The following STXBP6 variants were observed in gnomAD, a reference collection of about 807,000 sequenced individuals.
STXBP6 encodes syntaxin-binding protein 6.
A neutral mutation model predicts 26.9 loss-of-function variants in STXBP6; 21 were observed. The ratio of observed to expected loss-of-function variants is 0.78; its 90% CI spans 0.55 to 1.12. The LOEUF is 1.12. STXBP6 is among the 50% of genes most tolerant of loss of function. STXBP6 has a pLI of 0.00. For missense variants in STXBP6, 232 were observed against 257.9 expected, an observed-to-expected ratio of 0.90 and a Z score of 0.69; for synonymous variants, 97 against 92.6, an observed-to-expected ratio of 1.05 and a Z score of -0.27.
intron 4 of STXBP6, among the ~76,000 whole-genome samples, chr14:24,834,786 G>A (rs762742461): frequency 6.6e-6 from 1 of 152,196 alleles, no homozygotes; most frequent in Non-Finnish European, 1.5e-5. Context: ...CTGTGGGGGA[G>A]AAGGGCTTGG....
chr14:24,821,942 A>G (rs2068146921), intron 4 of STXBP6, among the ~76,000 whole-genome samples: 1 of 152,036 alleles, frequency 6.6e-6, no homozygotes. Context: ...TCAAACTGTA[A>G]TCCCAGGGTT....
At chr14:25,006,652 T>C (rs1041950354) in intron 1 of STXBP6, among the ~76,000 whole-genome samples, 27 of 152,200 alleles carry the variant, frequency 1.8e-4, no homozygotes, top group Admixed American at 6.5e-4. Context: ...CCAAAAAATA[T>C]ATTCACGAGG....
chr14:24,963,484 G>C (rs2073620510), intron 2 of STXBP6, among the ~76,000 whole-genome samples: 2 of 152,160 alleles, frequency 1.3e-5, no homozygotes, highest in Admixed American at 6.5e-5. Flanking sequence ...TCCACACAAA[G>C]TGGATGAAGA....
At position 24,811,010 on chromosome 14, in the gene STXBP6, C is replaced by T. The variant is rs914512303; in HGVS notation, c.*1699G>A. On this transcript the variant is annotated 3_prime_UTR_variant, in exon 6 of 6. Coordinates refer to ENST00000323944, the MANE Select transcript of STXBP6 (RefSeq NM_001394410.1). ...TACTCACCAAATGGCATGTTCCTCG[C>T]TTCTTTAAATTTTTAAGACACCAAA... The T allele has an allele frequency of 6.6e-6, 1 of 151,836 alleles. No individual in the cohort carries two copies. Among genetic ancestry groups the T allele is most frequent in the Non-Finnish European group, 1.5e-5 (1 of 67,954 alleles). 9.4% of individuals were successfully genotyped at this position (151,836 alleles called of 1,614,324 possible).
At chr14:24,999,655 T>C (rs1467123418) in intron 1 of STXBP6, among the ~76,000 whole-genome samples, 3 of 152,132 alleles carry the variant, frequency 2.0e-5, no homozygotes, top group African/African-American at 7.2e-5. Context: ...ATCTGAAGAC[T>C]ATAGAAGGTA....
At chr14:24,881,142 TGAACAGAACAG>T in intron 2 of STXBP6, among the ~76,000 whole-genome samples, 1 of 151,970 alleles carries the variant, frequency 6.6e-6, no homozygotes. Flanking sequence ...TCTACAAATC[TGAACAGAACAG>T]TGGGAACTTT....
intron 2 of STXBP6, among the ~76,000 whole-genome samples, chr14:24,956,073 A>C (rs2073334647): frequency 6.6e-6 from 1 of 152,166 alleles, no homozygotes; most frequent in Admixed American, 6.5e-5. Flanking sequence ...ATACATACCC[A>C]AAAGCACAAG....
intron 2 of STXBP6, among the ~76,000 whole-genome samples, chr14:24,949,596 A>G (rs922503056): frequency 6.6e-6 from 1 of 152,240 alleles, no homozygotes; most frequent in African/African-American, 2.4e-5. Flanking sequence ...ATATTTCTCG[A>G]ATGTAGAATG....
intron 2 of STXBP6, among the ~76,000 whole-genome samples, chr14:24,919,911 C>T (rs1044210748): frequency 3.9e-5 from 6 of 152,010 alleles, no homozygotes; most frequent in Non-Finnish European, 8.8e-5. Context: ...AACAGCTACA[C>T]AGAGACAAGT....
At chr14:24,818,866 A>G (rs1012845222) in intron 5 of STXBP6, among the ~76,000 whole-genome samples, 171 bp downstream of exon 5, 1 of 152,198 alleles carries the variant, frequency 6.6e-6, no homozygotes, top group Non-Finnish European at 1.5e-5. Flanking sequence ...CAGGTACAAG[A>G]AGAAATTTTC....
rs1238488354 is a variant in STXBP6, at chr14:24,812,141, G to A, written c.*568C>T. On this transcript the variant is annotated 3_prime_UTR_variant, in exon 6 of 6. Coordinates refer to ENST00000323944, the MANE Select transcript of STXBP6 (RefSeq NM_001394410.1). ...GTTCATGCAAAAGATTACTATGCAA[G>A]GAGCAAAATCTAAGACTGCTGTTTT... 1 of 150,546 alleles carries A rather than the reference G, an allele frequency of 6.6e-6. No homozygotes were observed. The highest frequency in any genetic ancestry group is 2.5e-5 in the African/African-American group (1 of 40,716). 9.3% of individuals were successfully genotyped at this position (150,546 alleles called of 1,614,324 possible).
chr14:24,858,957 A>G (rs854331), intron 2 of STXBP6, among the ~76,000 whole-genome samples: 137,072 of 152,182 alleles, frequency 0.9, 62,757 homozygotes, highest in East Asian at 1. Context: ...TGGGAAACAT[A>G]AAGGCTTTCT....
At chr14:24,836,158 T>G (rs2068605655) in intron 4 of STXBP6, among the ~76,000 whole-genome samples, 1 of 152,256 alleles carries the variant, frequency 6.6e-6, no homozygotes. Flanking sequence ...GATTTTTTAA[T>G]AAGATGATTG....
chr14:24,810,604 A>G lies in STXBP6; in HGVS notation c.*2105T>C, dbSNP rs2067791750. On this transcript the variant is annotated 3_prime_UTR_variant, in exon 6 of 6. Coordinates refer to ENST00000323944, the MANE Select transcript of STXBP6 (RefSeq NM_001394410.1). The stretch of plus-strand genomic sequence containing the variant: ...GCAGAGAGTGAGGAAAGAGGGCAAG[A>G]CATGGAATACTTATATTTATCAAGA... 1.3e-5 allele frequency: 2 copies of G among 152,200 alleles called. No individual in the cohort carries two copies. The highest frequency in any genetic ancestry group is 6.5e-5 in the Admixed American group (1 of 15,282). The allele number at this position is 152,200 out of a possible 1,614,324, so 9.4% of individuals were successfully genotyped here. A position where few individuals can be genotyped will look rare whatever the true frequency, so the allele number is the denominator to read the frequency against.
At chr14:25,004,190 C>A (rs2074835650) in intron 1 of STXBP6, among the ~76,000 whole-genome samples, 1 of 152,202 alleles carries the variant, frequency 6.6e-6, no homozygotes, top group South Asian at 2.1e-4. Context: ...ATAGGCCAAA[C>A]AAAGGGAGCC....
intron 4 of STXBP6, among the ~76,000 whole-genome samples, chr14:24,848,759 G>A (rs1162570911): frequency 6.6e-6 from 1 of 152,090 alleles, no homozygotes; most frequent in Non-Finnish European, 1.5e-5. Context: ...GAATTGGATG[G>A]AACCTAAGGA....
intron 1 of STXBP6, among the ~76,000 whole-genome samples, chr14:25,028,005 A>G (rs1029057286): frequency 6.6e-6 from 1 of 152,254 alleles, no homozygotes; most frequent in Non-Finnish European, 1.5e-5. Flanking sequence ...GAAGAAAAAA[A>G]GCTGGAAGCT....
chr14:24,987,813 T>C, intron 1 of STXBP6: 1 of 984,814 alleles, frequency 1.0e-6, no homozygotes, highest in Non-Finnish European at 1.2e-6. Context: ...TGTGAACATA[T>C]TCTTAAAAAG....
At chr14:24,918,455 C>T (rs1402682329) in intron 2 of STXBP6, among the ~76,000 whole-genome samples, 3 of 63,070 alleles carry the variant, frequency 4.8e-5, no homozygotes, top group African/African-American at 1.9e-4. Context: ...ACCCCCACCA[C>T]ACACACACAC....
Sources: allele counts gnomAD v4.1 joint callset (sites outside exome capture counted in the v4.1 genomes callset), GRCh38; gene constraint gnomAD v4.1.1; transcripts MANE v1.5; gene names NCBI Gene and HGNC (gene_info 2026-07-23, HGNC 2026-07-21).